TBPL2: variants seen among roughly 807,000 people sequenced by gnomAD.
The protein encoded by TBPL2 is TATA box-binding protein-like 2.
In TBPL2, 40 loss-of-function variants were observed where a neutral mutation model predicts 38.2. The ratio of observed to expected loss-of-function variants is 1.05; its 90% CI spans 0.81 to 1.36. TBPL2 has a LOEUF of 1.36. Among genes scored for constraint, TBPL2 ranks in the 40% most tolerant of loss-of-function variants. The probability of loss-of-function intolerance (pLI) is 0.00; values close to 1 mark genes in which losing one functional copy is unlikely to be tolerated. For missense variants in TBPL2, 461 were observed against 456.7 expected (o/e 1.01, Z -0.09); for synonymous variants, 169 against 171.7 (o/e 0.98, Z 0.12).
chr14:55,423,921 G>C (rs1885781799), intron 6 of TBPL2, among the ~76,000 whole-genome samples: 1 of 152,082 alleles, frequency 6.6e-6, no homozygotes. Flanking sequence ...GGATAATTCT[G>C]TAAAAAAATC....
At chr14:55,427,329 A>C (rs577366418) in intron 5 of TBPL2, among the ~76,000 whole-genome samples, 199 of 152,304 alleles carry the variant, frequency 1.3e-3, no homozygotes, top group Non-Finnish European at 6.0e-4. Context: ...AGAAAAATAA[A>C]CATGTCAAAA....
chr14:55,433,606 G>C lies in TBPL2; in HGVS notation c.788+24C>G, dbSNP rs974202633. The C allele has an allele frequency of 1.9e-6, 3 of 1,591,978 alleles. No individual in the cohort carries two copies. In the African/African-American group the frequency reaches 4.0e-5, roughly 21 times the overall value. ...ACATACTAAATTGTTTCTCTGGTAGGGGTGGAGGGATGATTCCTCATACCT... is the reference window on the plus strand; with the variant it reads ...ACATACTAAATTGTTTCTCTGGTAGCGGTGGAGGGATGATTCCTCATACCT... On this transcript the variant is annotated intron_variant, in intron 4 of 6. Coordinates refer to ENST00000247219, the Ensembl canonical transcript of TBPL2.
chr14:55,432,859 G>A (rs969653501), intron 4 of TBPL2, among the ~76,000 whole-genome samples: 7 of 152,160 alleles, frequency 4.6e-5, no homozygotes, highest in African/African-American at 7.2e-5. Context: ...CTTCCTCTGC[G>A]TGAGATCCAG....
intron 5 of TBPL2, among the ~76,000 whole-genome samples, chr14:55,427,977 G>GA (rs1157143342): frequency 9.0e-6 from 1 of 110,850 alleles, no homozygotes; most frequent in Non-Finnish European, 2.1e-5. Context: ...CCGGGTTCAC[G>GA]CCATTCTCCT....
intron 4 of TBPL2, among the ~76,000 whole-genome samples, chr14:55,431,022 T>C (rs1885916841): frequency 6.6e-6 from 1 of 152,202 alleles, no homozygotes; most frequent in African/African-American, 2.4e-5. Context: ...TGTACAAACA[T>C]TAGAAAGTAG....
chr14:55,427,479 C>T (rs1885843574), intron 5 of TBPL2, among the ~76,000 whole-genome samples: 3 of 152,142 alleles, frequency 2.0e-5, no homozygotes, highest in South Asian at 2.1e-4. Context: ...AATATGATCC[C>T]TATCTACTCT....
At chr14:55,433,858 T>G in intron 3 of TBPL2, 137 bp from the exon 4 acceptor site, 1 of 633,360 alleles carries the variant, frequency 1.6e-6, no homozygotes, top group Non-Finnish European at 2.6e-6. Flanking sequence ...CTCCCTACAT[T>G]AAGGTTAACA....
chr14:55,415,882 T>A (rs912334351), intron 6 of TBPL2, among the ~76,000 whole-genome samples: 1 of 151,770 alleles, frequency 6.6e-6, no homozygotes, highest in African/African-American at 2.4e-5. Flanking sequence ...AAAAAATGTA[T>A]GGTGTGTATA....
exon 2 of TBPL2, chr14:55,436,814 G>A (rs1354774663): frequency 6.2e-7 from 1 of 1,614,108 alleles, no homozygotes; most frequent in Non-Finnish European, 8.5e-7. Context: ...TCAGTTTCGT[G>A]TTTGCTAATG....
chr14:55,424,632 A>G (rs1375074340), intron 5 of TBPL2, among the ~76,000 whole-genome samples: 11 of 152,226 alleles, frequency 7.2e-5, no homozygotes, highest in African/African-American at 2.4e-4. Context: ...CTCCAATAAT[A>G]AACATATTTT....
chr14:55,440,098 AAATC>A (rs373713383), intron 1 of TBPL2, among the ~76,000 whole-genome samples: 128 of 151,328 alleles, frequency 8.5e-4, no homozygotes, highest in East Asian at 5.2e-3. Context: ...TCTCAGAGAA[AAATC>A]AATCAATCAA....
intron 1 of TBPL2, chr14:55,438,734 C>G (rs891858067): frequency 6.6e-6 from 1 of 152,160 alleles, no homozygotes; most frequent in African/African-American, 2.4e-5. Flanking sequence ...CTGTGTAGCA[C>G]GTTCACTGCA....
chr14:55,425,028 G>A (rs1885799979), intron 5 of TBPL2, among the ~76,000 whole-genome samples: 1 of 152,188 alleles, frequency 6.6e-6, no homozygotes, highest in South Asian at 2.1e-4. Flanking sequence ...CCAAGCAATG[G>A]AACACTAGCA....
chr14:55,440,557 G>A, exon 1 of TBPL2: 1 of 1,579,672 alleles, frequency 6.3e-7, no homozygotes, highest in African/African-American at 1.4e-5. Flanking sequence ...TATGAGCCTG[G>A]GGGCAGCGAG....
intron 3 of TBPL2, among the ~76,000 whole-genome samples, chr14:55,435,027 G>A (rs939772886): frequency 6.6e-6 from 1 of 152,112 alleles, no homozygotes; most frequent in African/African-American, 2.4e-5. Flanking sequence ...CAGGATGCCT[G>A]GCCTTGGCAG....
intron 6 of TBPL2, among the ~76,000 whole-genome samples, chr14:55,420,015 C>T (rs137998803): frequency 5.6e-4 from 85 of 152,284 alleles, no homozygotes; most frequent in Middle Eastern, 3.4e-3. Context: ...GAAAGGAGAC[C>T]GCCTTGGTTC....
At chr14:55,418,522 A>C (rs1488051678) in intron 6 of TBPL2, among the ~76,000 whole-genome samples, 3 of 152,166 alleles carry the variant, frequency 2.0e-5, no homozygotes, top group Non-Finnish European at 4.4e-5. Context: ...ACATATACCA[A>C]TTTACTATTA....
chr14:55,436,534 T>C, intron 2 of TBPL2, 27 bp downstream of exon 2: 8 of 1,592,304 alleles, frequency 5.0e-6, no homozygotes, highest in Non-Finnish European at 6.0e-6. Flanking sequence ...CCCAATGTGC[T>C]CAATTAAAAC....
chr14:55,429,766 CAAAAAAAAAAAAA>C (rs71131266), intron 4 of TBPL2, among the ~76,000 whole-genome samples: 1 of 52,394 alleles, frequency 1.9e-5, no homozygotes, highest in Non-Finnish European at 3.2e-5. Context: ...AACTCCGTCT[CAAAAAAAAAAAAA>C]AAAAAAAAAA....
Sources: allele counts gnomAD v4.1 joint callset (sites outside exome capture counted in the v4.1 genomes callset), GRCh38; gene constraint gnomAD v4.1.1; transcripts MANE v1.5; gene names NCBI Gene and HGNC (gene_info 2026-07-23, HGNC 2026-07-21).